NMRK1: variants seen among roughly 807,000 people sequenced by gnomAD.
The protein encoded by NMRK1 is NRK 1.
A neutral mutation model predicts 29.9 loss-of-function variants in NMRK1; 28 were observed. The observed-to-expected ratio is 0.94, with a 90% confidence interval of 0.69 to 1.28. The LOEUF is 1.28. NMRK1 is among the 50% of genes most tolerant of loss of function. The pLI, the probability that NMRK1 is intolerant of heterozygous loss-of-function variation, is 0.00. For synonymous variants in NMRK1, 58 were observed against 73.0 expected (o/e 0.79, Z 1.05); for missense variants, 218 against 233.1 (o/e 0.94, Z 0.42).
In NMRK1 at chr9:75,061,329, G is replaced by A. The variant is rs995861736; in HGVS notation, c.*219C>T. 11 of 500,948 alleles carry A rather than the reference G, an allele frequency of 2.2e-5. No homozygotes were observed. Among genetic ancestry groups the A allele is most frequent in the African/African-American group, 7.8e-5 (4 of 51,240 alleles). 31.0% of individuals were successfully genotyped at this position (500,948 alleles called of 1,614,324 possible). ...ACTGTGAGCTCTGCTGTATCTATGC[G>A]CTCCCTGGAGAGGGAGCAACTTGCT... On this transcript the variant is annotated 3_prime_UTR_variant, in exon 9 of 9. Transcript: ENST00000361092.
chr9:75,070,542 G>T (rs1208751701), intron 4 of NMRK1, among the ~76,000 whole-genome samples: 1 of 152,178 alleles, frequency 6.6e-6, no homozygotes, highest in African/African-American at 2.4e-5. Context: ...ACACAAATAT[G>T]TCATTGTCAC....
rs1368909505 is a variant in NMRK1, at chr9:75,069,693, A to T, written c.389+49T>A. 2.7e-6 allele frequency: 4 copies of T among 1,462,772 alleles called. No homozygotes were observed. The African/African-American group carries it at 5.6e-5, about 21-fold the overall frequency. The allele number at this position is 1,462,772 out of a possible 1,614,324, so 90.6% of individuals were successfully genotyped here. On this transcript the variant is annotated intron_variant, in intron 6 of 8. Coordinates refer to ENST00000361092, the MANE Select transcript of NMRK1 (RefSeq NM_017881.3). ...ATGTTGCTGTCCTCATTTTTCTTCTACATTTTTTGTTTTGAATTACAACTC... is the reference window on the plus strand; with the variant it reads ...ATGTTGCTGTCCTCATTTTTCTTCTTCATTTTTTGTTTTGAATTACAACTC...
intron 6 of NMRK1, chr9:75,069,397 C>T (rs1823561780): frequency 6.4e-6 from 3 of 472,104 alleles, no homozygotes; most frequent in Non-Finnish European, 1.1e-5. Context: ...AATGGAGAGA[C>T]CACTATGTTG....
At chr9:75,078,782 G>C (rs768653749) in intron 2 of NMRK1, among the ~76,000 whole-genome samples, 67 of 152,134 alleles carry the variant, frequency 4.4e-4, no homozygotes, top group South Asian at 8.3e-4. Context: ...AAGTATCATC[G>C]ATGTTCATTA....
Position 75,069,026 on chromosome 9 carries a change from G to C in NMRK1, c.466C>G (p.Gln156Glu). 6.2e-7 allele frequency: 1 copy of C among 1,614,040 alleles called. No individual in the cohort carries two copies. The highest frequency in any genetic ancestry group is 8.5e-7 in the Non-Finnish European group (1 of 1,179,884). ...HVWPMYLKYR[Q>E]EMQDITWEVV... ...TCCCATGTGATGTCCTGCATTTCTT[G>C]TCTGTACTTTAGATACATGGGCCAC... Residue 156 changes from glutamine (Q) to glutamate (E), a missense_variant, in exon 7 of 9, where the codon CAA (glutamine) becomes GAA (glutamate). By Grantham distance (29) the Gln-to-Glu change is conservative (BLOSUM62 2). Transcript: ENST00000361092.
At chr9:75,077,653 A>C in intron 2 of NMRK1, 73 bp from the exon 3 acceptor site, 1 of 1,031,424 alleles carries the variant, frequency 9.7e-7, no homozygotes, top group South Asian at 1.3e-5. Context: ...TTTTTTTTTG[A>C]GAGACAGGGT....
chr9:75,086,412 G>A (rs907937305), intron 1 of NMRK1, among the ~76,000 whole-genome samples: 2 of 152,178 alleles, frequency 1.3e-5, no homozygotes, highest in African/African-American at 2.4e-5. Context: ...TTCCCAGTGC[G>A]TGCAAGGCTT....
chr9:75,064,406 T>C (rs1017133851), intron 8 of NMRK1, among the ~76,000 whole-genome samples: 4 of 152,136 alleles, frequency 2.6e-5, no homozygotes, highest in African/African-American at 7.2e-5. Context: ...CTCTGGCTCA[T>C]GTGCTATCAT....
intron 4 of NMRK1, among the ~76,000 whole-genome samples, chr9:75,073,760 C>A (rs1269638779): frequency 1.3e-5 from 2 of 152,024 alleles, no homozygotes; most frequent in African/African-American, 4.8e-5. Flanking sequence ...AACAAACAAA[C>A]AAAAAACTCC....
At chr9:75,087,677 G>C (rs968319891) in intron 1 of NMRK1, 4 of 151,960 alleles carry the variant, frequency 2.6e-5, no homozygotes, top group Non-Finnish European at 5.9e-5. Flanking sequence ...CGGGCAGTAG[G>C]TCATCACCCC....
intron 8 of NMRK1, among the ~76,000 whole-genome samples, chr9:75,062,264 T>A (rs1166604528): frequency 6.6e-6 from 1 of 152,202 alleles, no homozygotes; most frequent in Non-Finnish European, 1.5e-5. Context: ...GGTTAAGTGA[T>A]CTTATGTTAA....
chr9:75,064,008 T>C (rs1258420003), intron 8 of NMRK1, among the ~76,000 whole-genome samples: 2 of 152,146 alleles, frequency 1.3e-5, no homozygotes, highest in Non-Finnish European at 2.9e-5. Flanking sequence ...TCAAATGGCA[T>C]AGCTAAATAC....
intron 4 of NMRK1, among the ~76,000 whole-genome samples, chr9:75,073,149 G>C (rs1823795220): frequency 1.3e-5 from 2 of 152,290 alleles, no homozygotes; most frequent in Non-Finnish European, 2.9e-5. Flanking sequence ...ACTGGTTACA[G>C]AAGGAGAAAA....
Position 75,077,221 on chromosome 9 carries a change from A to G in NMRK1, c.121-14T>C, listed in dbSNP as rs1293904503. On this transcript the variant is annotated splice_polypyrimidine_tract_variant and intron_variant, in intron 3 of 8. Transcript: ENST00000361092. ...CTCAGACTCTGGCTGGAAAAATAATAAAGTACCCATCAAAACAGTGTGTAG... is the reference window on the plus strand; with the variant it reads ...CTCAGACTCTGGCTGGAAAAATAATGAAGTACCCATCAAAACAGTGTGTAG... 1.3e-6 allele frequency: 2 copies of G among 1,572,284 alleles called. No individual in the cohort carries two copies. Among genetic ancestry groups the G allele is most frequent in the Middle Eastern group, 1.7e-4 (1 of 5,952 alleles).
chr9:75,078,257 G>T, intron 2 of NMRK1: 1 of 1,545,016 alleles, frequency 6.5e-7, no homozygotes, highest in Non-Finnish European at 8.7e-7. Context: ...AACTGCATAT[G>T]GTCACTGTGA....
chr9:75,065,292 C>T (rs1306871401), intron 8 of NMRK1, among the ~76,000 whole-genome samples: 1 of 152,136 alleles, frequency 6.6e-6, no homozygotes, highest in Middle Eastern at 3.2e-3. Context: ...GCCTCAGCCT[C>T]CCGGGTAGCT....
At chr9:75,068,479 C>T (rs1823497314) in intron 7 of NMRK1, among the ~76,000 whole-genome samples, 1 of 152,204 alleles carries the variant, frequency 6.6e-6, no homozygotes, top group African/African-American at 2.4e-5. Context: ...TGTCCCCTGG[C>T]CCTTTCGTGT....
At chr9:75,064,841 G>A (rs966776541) in intron 8 of NMRK1, among the ~76,000 whole-genome samples, 1 of 152,182 alleles carries the variant, frequency 6.6e-6, no homozygotes, top group Non-Finnish European at 1.5e-5. Flanking sequence ...CTCTGAGCCA[G>A]CTGATGATTG....
At chr9:75,077,271 T>C in intron 3 of NMRK1, 64 bp from the exon 4 acceptor site, 1 of 1,138,736 alleles carries the variant, frequency 8.8e-7, no homozygotes, top group Non-Finnish European at 1.3e-6. Flanking sequence ...AATTATAGAC[T>C]AAAAAGGAGA....
Sources: allele counts gnomAD v4.1 joint callset (sites outside exome capture counted in the v4.1 genomes callset), GRCh38; gene constraint gnomAD v4.1.1; transcripts MANE v1.5; gene names NCBI Gene and HGNC (gene_info 2026-07-23, HGNC 2026-07-21).